Variants in PROS1 observed in about 807,000 individuals in gnomAD.
The protein encoded by PROS1 is protein S.
In PROS1, 29 loss-of-function variants were observed where a neutral mutation model predicts 75.9. The ratio of observed to expected loss-of-function variants is 0.38; its 90% CI spans 0.28 to 0.52. The LOEUF (loss-of-function observed/expected upper bound fraction) is 0.52. Among genes scored for constraint, PROS1 ranks in the 20% least tolerant of loss-of-function variants. The pLI is 0.83. For synonymous variants in PROS1, 245 were observed against 280.6 expected (o/e 0.87, Z 1.27); for missense variants, 680 against 810.3 (o/e 0.84, Z 1.95).
chr3:93,940,244 C>A (rs1460452282), intron 1 of PROS1, among the ~76,000 whole-genome samples: 2 of 152,196 alleles, frequency 1.3e-5, no homozygotes, highest in African/African-American at 4.8e-5. Flanking sequence ...GGATTGACGC[C>A]TTCCCAGATT....
At chr3:93,884,203 G>A (rs1287592100) in intron 12 of PROS1, among the ~76,000 whole-genome samples, 1 of 152,084 alleles carries the variant, frequency 6.6e-6, no homozygotes, top group Non-Finnish European at 1.5e-5. Context: ...ACAACACTTG[G>A]TCAAGGGACA....
At chr3:93,960,790 C>T (rs185063582) in intron 1 of PROS1, among the ~76,000 whole-genome samples, 2 of 151,446 alleles carry the variant, frequency 1.3e-5, no homozygotes, top group Admixed American at 6.6e-5. Context: ...TAAACTAATA[C>T]CTGTAACAGA....
At position 93,873,283 on chromosome 3, in the gene PROS1, T is replaced by C. The variant is rs1161779452; in HGVS notation, c.*962A>G. 1 of 152,210 alleles carries C rather than the reference T, an allele frequency of 6.6e-6. No homozygotes were observed. Among genetic ancestry groups the C allele is most frequent in the Non-Finnish European group, 1.5e-5 (1 of 68,034 alleles). The allele number at this position is 152,210 out of a possible 1,614,324, so 9.4% of individuals were successfully genotyped here. ...AGTACCAGCAGGCACGTGGCAATCT[T>C]ACCTCCTTACTTCTTTGATTACAAT... On this transcript the variant is annotated 3_prime_UTR_variant, in exon 15 of 15. Transcript: ENST00000394236.
chr3:93,908,573 G>C (rs900309208), intron 4 of PROS1, among the ~76,000 whole-genome samples: 8 of 152,180 alleles, frequency 5.3e-5, no homozygotes, highest in Non-Finnish European at 1.0e-4. Context: ...AAAAGATCCC[G>C]TAGGGTCTTT....
At chr3:93,914,656 C>G (rs1362978020) in intron 3 of PROS1, among the ~76,000 whole-genome samples, 1 of 151,988 alleles carries the variant, frequency 6.6e-6, no homozygotes, top group Non-Finnish European at 1.5e-5. Context: ...GCACCTGGCT[C>G]CTTTTATTTA....
At chr3:93,919,737 T>C (rs531305867) in intron 3 of PROS1, among the ~76,000 whole-genome samples, 101 of 152,280 alleles carry the variant, frequency 6.6e-4, no homozygotes, top group African/African-American at 2.4e-3. Flanking sequence ...ATTTTTGTCT[T>C]TATTCCATCT....
At chr3:93,932,893 G>C (rs1254559746) in intron 1 of PROS1, among the ~76,000 whole-genome samples, 3 of 152,222 alleles carry the variant, frequency 2.0e-5, no homozygotes, top group South Asian at 4.1e-4. Context: ...TGAGGTGGCA[G>C]ATGGAGGAGC....
intron 1 of PROS1, among the ~76,000 whole-genome samples, chr3:93,970,476 CA>C (rs1256361538): frequency 6.6e-6 from 1 of 152,070 alleles, no homozygotes; most frequent in African/African-American, 2.4e-5. Context: ...GCTGGGCCTA[CA>C]AGTGTGTACC....
intron 1 of PROS1, chr3:93,928,936 A>G: frequency 3.3e-6 from 1 of 307,340 alleles, no homozygotes; most frequent in Non-Finnish European, 6.5e-6. Context: ...CTTTAAAAGA[A>G]TGATAATATC....
chr3:93,901,194 C>T (rs770370756), intron 6 of PROS1, among the ~76,000 whole-genome samples: 1 of 152,140 alleles, frequency 6.6e-6, no homozygotes, highest in African/African-American at 2.4e-5. Flanking sequence ...TAGAAATTTT[C>T]TTATCTGCCA....
chr3:93,927,164 G>A, intron 2 of PROS1, 86 bp downstream of exon 2: 1 of 1,524,658 alleles, frequency 6.6e-7, no homozygotes. Flanking sequence ...CTTTAAGATG[G>A]AACAGAAGGA....
chr3:93,885,081 C>G (rs940296504), intron 11 of PROS1, among the ~76,000 whole-genome samples, 185 bp from the exon 12 acceptor site: 1 of 152,124 alleles, frequency 6.6e-6, no homozygotes, highest in African/African-American at 2.4e-5. Flanking sequence ...TCAGTACAAG[C>G]AAGCTCATAC....
chr3:93,876,844 G>C lies in PROS1; in HGVS notation c.1870+122C>G, dbSNP rs997040605. 5.8e-6 allele frequency: 4 copies of C among 686,794 alleles called. No individual in the cohort carries two copies. The African/African-American group carries it at 7.3e-5, about 12-fold the overall frequency. 42.5% of individuals were successfully genotyped at this position (686,794 alleles called of 1,614,324 possible). A position where few individuals can be genotyped will look rare whatever the true frequency, so the allele number is the denominator to read the frequency against. Reference sequence around the variant, plus strand: ...ATGTCGGTACTAGCCCCTAGAAAAAGAATAATGAATACTGGATTTTATGTT... The same window carrying C: ...ATGTCGGTACTAGCCCCTAGAAAAACAATAATGAATACTGGATTTTATGTT... On this transcript the variant is annotated intron_variant, in intron 14 of 14. Coordinates refer to ENST00000394236, the MANE Select transcript of PROS1 (RefSeq NM_000313.4).
intron 1 of PROS1, among the ~76,000 whole-genome samples, chr3:93,970,768 A>C (rs1288555585): frequency 1.3e-5 from 2 of 152,150 alleles, no homozygotes; most frequent in Non-Finnish European, 2.9e-5. Flanking sequence ...TTTTAAAACA[A>C]ATAAGTTGAA....
At chr3:93,922,969 G>A (rs924190678) in intron 3 of PROS1, among the ~76,000 whole-genome samples, 1 of 152,198 alleles carries the variant, frequency 6.6e-6, no homozygotes, top group African/African-American at 2.4e-5. Flanking sequence ...CATATTTGGT[G>A]ATTTAAAAGC....
In PROS1 at chr3:93,876,953, A is replaced by C; in HGVS notation, c.1870+13T>G. 6.5e-7 allele frequency: 1 copy of C among 1,529,456 alleles called. No homozygotes were observed. Among genetic ancestry groups the C allele is most frequent in the Non-Finnish European group, 9.0e-7 (1 of 1,105,658 alleles). 94.7% of individuals were successfully genotyped at this position (1,529,456 alleles called of 1,614,324 possible). A position where few individuals can be genotyped will look rare whatever the true frequency, so the allele number is the denominator to read the frequency against. ...ATATACTTTTTAAAACTGAAGAAAA[A>C]GTAAGCAGATACCTGGAAGGCCACC... is the stretch of plus-strand genomic sequence containing the variant. On this transcript the variant is annotated intron_variant, in intron 14 of 14. Transcript: ENST00000394236.
chr3:93,919,327 T>C (rs957462512), intron 3 of PROS1, among the ~76,000 whole-genome samples: 5 of 152,190 alleles, frequency 3.3e-5, no homozygotes, highest in Non-Finnish European at 5.9e-5. Context: ...AGTAAAGTAA[T>C]ATCTCATTAT....
intron 1 of PROS1, among the ~76,000 whole-genome samples, chr3:93,952,506 A>G (rs937762965): frequency 7.2e-5 from 11 of 152,186 alleles, no homozygotes; most frequent in African/African-American, 2.7e-4. Flanking sequence ...TGAAGGCAGA[A>G]ATAAAGATGT....
intron 1 of PROS1, among the ~76,000 whole-genome samples, chr3:93,928,173 T>TA (rs1420567437): frequency 6.8e-6 from 1 of 147,974 alleles, no homozygotes; most frequent in African/African-American, 2.5e-5. Context: ...CGCCACCACA[T>TA]AAAAAATATT....
Sources: allele counts gnomAD v4.1 joint callset (sites outside exome capture counted in the v4.1 genomes callset), GRCh38; gene constraint gnomAD v4.1.1; transcripts MANE v1.5; gene names NCBI Gene and HGNC (gene_info 2026-07-23, HGNC 2026-07-21).